ATP9B: variants seen among roughly 807,000 people sequenced by gnomAD.
ATP9B encodes the protein ATPase phospholipid transporting 9B, also known as probable phospholipid-transporting ATPase IIB.
ATP9B carries 110 observed loss-of-function variants against 146.1 expected under a neutral mutation model. The observed-to-expected ratio is 0.75, with a 90% confidence interval of 0.65 to 0.88. The LOEUF (loss-of-function observed/expected upper bound fraction) is 0.88, where lower values mean the gene tolerates loss of function less well. Ranked by LOEUF, ATP9B falls within the 40% of genes least tolerant of loss-of-function variation. The pLI is 0.00. For synonymous variants in ATP9B, 604 were observed against 569.7 expected, an observed-to-expected ratio of 1.06 and a Z score of -0.86; for missense variants, 1,499 against 1,496.4, an observed-to-expected ratio of 1.00 and a Z score of -0.03.
At chr18:79,325,831 T>C (rs1249216390) in intron 15 of ATP9B, among the ~76,000 whole-genome samples, 4 of 152,128 alleles carry the variant, frequency 2.6e-5, no homozygotes, top group Non-Finnish European at 4.4e-5. Context: ...TGTTTTCCAT[T>C]ATCTCTGCAC....
intron 8 of ATP9B, among the ~76,000 whole-genome samples, chr18:79,185,175 C>CAT (rs939703147): frequency 1.3e-5 from 2 of 152,034 alleles, no homozygotes; most frequent in Non-Finnish European, 2.9e-5. Flanking sequence ...TGGTCACAGG[C>CAT]ATACACATAT....
intron 20 of ATP9B, 120 bp downstream of exon 20, chr18:79,342,486 T>G (rs950005121): frequency 4.6e-6 from 3 of 647,716 alleles, no homozygotes; most frequent in Non-Finnish European, 7.4e-6. Flanking sequence ...AAAGAACTAC[T>G]GTAATTTTTT....
intron 17 of ATP9B, among the ~76,000 whole-genome samples, chr18:79,330,665 G>A (rs992510359): frequency 1.3e-5 from 2 of 151,974 alleles, no homozygotes; most frequent in Non-Finnish European, 2.9e-5. Flanking sequence ...CGCCCGTGTC[G>A]GCCTCCCAAA....
chr18:79,247,490 C>T (rs1293675190), intron 11 of ATP9B, among the ~76,000 whole-genome samples: 3 of 152,166 alleles, frequency 2.0e-5, no homozygotes, highest in African/African-American at 7.2e-5. Flanking sequence ...ATGAAGCCCC[C>T]TTCAAACTTA....
chr18:79,350,370 G>A (rs2096916103), intron 25 of ATP9B, among the ~76,000 whole-genome samples: 1 of 152,236 alleles, frequency 6.6e-6, no homozygotes, highest in African/African-American at 2.4e-5. Flanking sequence ...ATCACTCAGG[G>A]AATAACCCCC....
chr18:79,137,546 C>G (rs1236247934), intron 5 of ATP9B, among the ~76,000 whole-genome samples: 1 of 152,136 alleles, frequency 6.6e-6, no homozygotes, highest in Non-Finnish European at 1.5e-5. Flanking sequence ...ATGGGCTTCT[C>G]CAGTCTGGCT....
At chr18:79,103,285 T>TTTTTA (rs58177335) in intron 2 of ATP9B, among the ~76,000 whole-genome samples, 11 of 149,706 alleles carry the variant, frequency 7.3e-5, no homozygotes, top group East Asian at 1.9e-4. Context: ...TTTTTTTTTT[T>TTTTTA]AAGAAATCTA....
intron 8 of ATP9B, among the ~76,000 whole-genome samples, chr18:79,186,837 C>T (rs1022073685): frequency 2.6e-5 from 4 of 152,220 alleles, no homozygotes; most frequent in South Asian, 4.1e-4. Flanking sequence ...CTAGCCTGCA[C>T]GTATTTTTCA....
chr18:79,193,056 A>G (rs2148147122), intron 8 of ATP9B, 127 bp from the exon 9 acceptor site: 1 of 727,308 alleles, frequency 1.4e-6, no homozygotes, highest in East Asian at 2.9e-5. Context: ...GCACACAAAA[A>G]TCTAAGAAAA....
chr18:79,329,058 T>C, intron 15 of ATP9B, 83 bp from the exon 16 acceptor site: 1 of 1,362,864 alleles, frequency 7.3e-7, no homozygotes, highest in Non-Finnish European at 9.6e-7. Flanking sequence ...GTTGGCAAGC[T>C]TTCTGAGCAC....
At chr18:79,246,365 C>CTG (rs756201855) in intron 11 of ATP9B, among the ~76,000 whole-genome samples, 16 of 146,798 alleles carry the variant, frequency 1.1e-4, no homozygotes, top group Non-Finnish European at 1.3e-4. Context: ...GCCCTACTGA[C>CTG]TGAGGAGGGC....
chr18:79,196,432 C>T (rs746786480), intron 9 of ATP9B, among the ~76,000 whole-genome samples: 3 of 152,064 alleles, frequency 2.0e-5, no homozygotes, highest in Admixed American at 6.5e-5. Flanking sequence ...GAATTTTATA[C>T]GCTTCCTCTA....
intron 15 of ATP9B, 59 bp downstream of exon 15, chr18:79,307,293 G>A: frequency 1.2e-6 from 2 of 1,604,684 alleles, no homozygotes; most frequent in Admixed American, 3.4e-5. Context: ...CCAGAGTCAT[G>A]AGGATTCATT....
At chr18:79,275,343 C>T (rs1302501674) in intron 12 of ATP9B, among the ~76,000 whole-genome samples, 1 of 152,206 alleles carries the variant, frequency 6.6e-6, no homozygotes, top group East Asian at 1.9e-4. Context: ...CTTTCTCTTT[C>T]TGATTCACAG....
chr18:79,103,977 C>G (rs746157483), intron 2 of ATP9B, among the ~76,000 whole-genome samples: 7 of 152,154 alleles, frequency 4.6e-5, no homozygotes, highest in Non-Finnish European at 1.0e-4. Flanking sequence ...GTTCTCACCA[C>G]TATTTACAGC....
chr18:79,251,040 A>G (rs1041323131), intron 11 of ATP9B, among the ~76,000 whole-genome samples: 4 of 152,224 alleles, frequency 2.6e-5, no homozygotes, highest in Non-Finnish European at 5.9e-5. Flanking sequence ...CTGTATTGCA[A>G]CATGGAGAAG....
At chr18:79,075,177 C>T (rs1406080381) in intron 1 of ATP9B, among the ~76,000 whole-genome samples, 2 of 151,804 alleles carry the variant, frequency 1.3e-5, no homozygotes, top group Non-Finnish European at 2.9e-5. Context: ...CCCAGGTTCA[C>T]GCCATTCTCC....
chr18:79,076,792 T>C (rs1185635791), intron 1 of ATP9B, among the ~76,000 whole-genome samples: 3 of 152,200 alleles, frequency 2.0e-5, no homozygotes, highest in Non-Finnish European at 4.4e-5. Flanking sequence ...GTGAAATCTT[T>C]TCTTGTACCA....
In ATP9B at chr18:79,374,626, G is replaced by T. The variant is rs534180745; in HGVS notation, c.3274+525G>T. Among the ~76,000 whole-genome samples the T allele has an allele frequency of 3.2e-3, 490 of 152,388 alleles. 3 individuals are homozygous for T. The highest frequency in any genetic ancestry group is 0.011 in the African/African-American group (466 of 41,596). ...CAGTTGGGACTCAGACCTGCGGGAG[G>T]TGAACACAGCCGCGTGTGCACTTGT... On this transcript the variant is annotated intron_variant, in intron 28 of 29. Coordinates refer to ENST00000426216, the MANE Select transcript of ATP9B (RefSeq NM_198531.5).
Sources: allele counts gnomAD v4.1 joint callset (sites outside exome capture counted in the v4.1 genomes callset), GRCh38; gene constraint gnomAD v4.1.1; transcripts MANE v1.5; gene names NCBI Gene and HGNC (gene_info 2026-07-23, HGNC 2026-07-21).